The following TSG101 variants were observed in gnomAD, a reference collection of about 807,000 sequenced individuals.
TSG101 encodes the protein tumor susceptibility gene 101 protein.
Under a neutral mutation model 48.5 loss-of-function variants are expected in TSG101, and 19 were observed. The observed-to-expected ratio is 0.39, with a 90% CI of 0.27 to 0.58. The LOEUF is 0.58. Among genes scored for constraint, TSG101 ranks in the 20% least tolerant of loss-of-function variants. The pLI is 0.55. For missense variants in TSG101, 365 were observed against 484.4 expected, an observed-to-expected ratio of 0.75 and a Z score of 2.31; for synonymous variants, 174 against 169.4, an observed-to-expected ratio of 1.03 and a Z score of -0.21.
chr11:18,483,766 T>C lies in TSG101; in HGVS notation c.843+104A>G. ...TCAAATGTTTAAAGATGCCTATAAT[T>C]TTCTGAACTCCTACTATGCCCACAA... On this transcript the variant is annotated intron_variant, in intron 8 of 9. Transcript: ENST00000251968. The C allele has an allele frequency of 1.7e-6, 2 of 1,194,796 alleles. 1 individual carries two copies. Among genetic ancestry groups the C allele is most frequent in the South Asian group, 2.7e-5 (2 of 73,086 alleles). 74.0% of individuals were successfully genotyped at this position (1,194,796 alleles called of 1,614,324 possible).
intron 7 of TSG101, among the ~76,000 whole-genome samples, chr11:18,488,061 CT>C (rs1849646738): frequency 6.6e-6 from 1 of 152,156 alleles, no homozygotes; most frequent in Admixed American, 6.5e-5. Flanking sequence ...CACAGGTGTG[CT>C]TGCTAGACAA....
chr11:18,494,313 A>G (rs1165553049), intron 7 of TSG101, among the ~76,000 whole-genome samples: 1 of 152,242 alleles, frequency 6.6e-6, no homozygotes, highest in African/African-American at 2.4e-5. Context: ...TCTTAAAAAA[A>G]TGAATCAGAA....
intron 7 of TSG101, among the ~76,000 whole-genome samples, chr11:18,489,045 G>A (rs990882390): frequency 4.6e-5 from 7 of 151,832 alleles, no homozygotes; most frequent in African/African-American, 1.7e-4. Flanking sequence ...AACCCGGGAG[G>A]CGGAGGTTGC....
chr11:18,485,736 A>T (rs1270967284), intron 7 of TSG101, among the ~76,000 whole-genome samples: 1 of 152,256 alleles, frequency 6.6e-6, no homozygotes, highest in Non-Finnish European at 1.5e-5. Flanking sequence ...CTTTGAAGGC[A>T]TGTGGTTGGA....
chr11:18,504,659 A>C (rs185713209), intron 6 of TSG101, among the ~76,000 whole-genome samples: 37 of 152,274 alleles, frequency 2.4e-4, no homozygotes, highest in African/African-American at 8.2e-4. Flanking sequence ...CACATTGCTG[A>C]ATTTTTTTGT....
At chr11:18,513,252 GA>G (rs1394939412) in intron 4 of TSG101, among the ~76,000 whole-genome samples, 1 of 151,934 alleles carries the variant, frequency 6.6e-6, no homozygotes, top group Non-Finnish European at 1.5e-5. Context: ...TGAAGCTCAG[GA>G]ATTCAACATA....
chr11:18,512,175 C>T (rs564835678), intron 4 of TSG101, among the ~76,000 whole-genome samples: 20 of 152,186 alleles, frequency 1.3e-4, no homozygotes, highest in Admixed American at 3.3e-4. Context: ...GAGGCTGAGG[C>T]GGACGGATCA....
intron 8 of TSG101, among the ~76,000 whole-genome samples, chr11:18,482,256 C>T (rs1409723518): frequency 6.6e-6 from 1 of 152,172 alleles, no homozygotes; most frequent in Admixed American, 6.5e-5. Flanking sequence ...TAACTTTCCT[C>T]AGTCTATGAA....
intron 1 of TSG101, among the ~76,000 whole-genome samples, chr11:18,521,886 C>A (rs1850284382): frequency 6.6e-6 from 1 of 151,984 alleles, no homozygotes; most frequent in African/African-American, 2.4e-5. Flanking sequence ...GCATGTTGCC[C>A]AGGCTAGTCT....
chr11:18,520,425 A>G (rs1850250537), intron 1 of TSG101, among the ~76,000 whole-genome samples: 1 of 151,922 alleles, frequency 6.6e-6, no homozygotes, highest in South Asian at 2.1e-4. Context: ...GGGTCTTGCT[A>G]TGTTGCCCAG....
chr11:18,508,204 T>C (rs1042643005), intron 5 of TSG101, among the ~76,000 whole-genome samples: 1 of 150,860 alleles, frequency 6.6e-6, no homozygotes, highest in African/African-American at 2.4e-5. Flanking sequence ...GTAATGAGAC[T>C]AGGAAATATT....
Position 18,514,758 on chromosome 11 carries a change from T to C in TSG101, c.277A>G (p.Ser93Gly). The C allele has an allele frequency of 6.3e-7, 1 of 1,598,578 alleles. No individual in the cohort carries two copies. The highest frequency in any genetic ancestry group is 1.4e-5 in the African/African-American group (1 of 73,846). Reference sequence around the variant, plus strand: ...TTTCCTGTTTTAATAGTCATTGAACTAGTAGGCTTAACAAAACAGATAGGG... The same window carrying C: ...TTTCCTGTTTTAATAGTCATTGAACCAGTAGGCTTAACAAAACAGATAGGG... ...NPPICFVKPT[S>G]SMTIKTGKHV... Residue 93 changes from serine (S) to glycine (G), a missense_variant, in exon 4 of 10, where the codon AGT (serine) becomes GGT (glycine). Coordinates refer to ENST00000251968, the MANE Select transcript of TSG101 (RefSeq NM_006292.4).
intron 7 of TSG101, chr11:18,491,054 G>T: frequency 5.7e-6 from 1 of 176,630 alleles, no homozygotes. Context: ...TGGCAGCGGT[G>T]GCGGTGCCTG....
intron 7 of TSG101, among the ~76,000 whole-genome samples, chr11:18,498,211 G>T (rs1490425662): frequency 6.6e-6 from 1 of 152,156 alleles, no homozygotes; most frequent in Non-Finnish European, 1.5e-5. Context: ...AAAAGTAATG[G>T]GGAAGAGGGC....
intron 6 of TSG101, among the ~76,000 whole-genome samples, chr11:18,503,043 T>A (rs911458731): frequency 1.3e-5 from 2 of 152,178 alleles, no homozygotes; most frequent in African/African-American, 2.4e-5. Context: ...ACCAAACTCA[T>A]CTTTAGTTTA....
At chr11:18,510,557 G>A (rs1233782845) in intron 4 of TSG101, among the ~76,000 whole-genome samples, 1 of 151,148 alleles carries the variant, frequency 6.6e-6, no homozygotes, top group Non-Finnish European at 1.5e-5. Context: ...AAGTTACTAA[G>A]ATTTTCTCTC....
intron 1 of TSG101, among the ~76,000 whole-genome samples, chr11:18,521,905 T>C (rs935631874): frequency 6.6e-6 from 1 of 152,118 alleles, no homozygotes; most frequent in Admixed American, 6.6e-5. Flanking sequence ...CTTGAATTTC[T>C]AGACTCAAGC....
At chr11:18,502,621 A>G (rs1401923970) in intron 6 of TSG101, 44 bp from the exon 7 acceptor site, 1 of 1,465,616 alleles carries the variant, frequency 6.8e-7, no homozygotes, top group Non-Finnish European at 9.4e-7. Context: ...AGATGACCCA[A>G]CCTTATAGTA....
intron 3 of TSG101, 35 bp from the exon 4 acceptor site, chr11:18,514,876 T>C (rs760721944): frequency 6.7e-7 from 1 of 1,502,844 alleles, no homozygotes; most frequent in Admixed American, 2.7e-5. Context: ...TTACTCTATT[T>C]TTATTATTTT....
Sources: allele counts gnomAD v4.1 joint callset (sites outside exome capture counted in the v4.1 genomes callset), GRCh38; gene constraint gnomAD v4.1.1; transcripts MANE v1.5; gene names NCBI Gene and HGNC (gene_info 2026-07-23, HGNC 2026-07-21).